Variants in CLVS1 observed in about 807,000 individuals in gnomAD.
CLVS1 encodes the protein clavesin 1, also known as clavesin-1.
In CLVS1, 10 loss-of-function variants were observed where a neutral mutation model predicts 33.1. That is an observed-to-expected ratio of 0.30 (90% CI 0.19 to 0.51). The LOEUF is 0.51. CLVS1 is among the 20% of genes least tolerant of loss of function. The pLI, the probability that CLVS1 is intolerant of heterozygous loss-of-function variation, is 0.97. For synonymous variants in CLVS1, 163 were observed against 166.1 expected (o/e 0.98, Z 0.14); for missense variants, 343 against 433.4 (o/e 0.79, Z 1.85).
chr8:61,081,882 C>G (rs982069196), intron 1 of CLVS1, among the ~76,000 whole-genome samples: 8 of 152,300 alleles, frequency 5.3e-5, no homozygotes, highest in African/African-American at 1.7e-4. Context: ...TATTGGGTTC[C>G]TTTTACCCAG....
At chr8:61,010,725 G>C in the CLVS1 span, among the ~76,000 whole-genome samples, 1 of 152,186 alleles carries the variant, frequency 6.6e-6, no homozygotes, top group Non-Finnish European at 1.5e-5. Context: ...TGGTCTCTCT[G>C]CCCAGAATGG....
intron 2 of CLVS1, among the ~76,000 whole-genome samples, chr8:61,192,879 G>A (rs1222342578): frequency 6.6e-6 from 1 of 152,188 alleles, no homozygotes; most frequent in Non-Finnish European, 1.5e-5. Flanking sequence ...AGCAGGTGCT[G>A]GAGAGGACGT....
upstream of CLVS1, among the ~76,000 whole-genome samples, chr8:61,287,343 G>C (rs1250616237): frequency 6.6e-6 from 1 of 151,830 alleles, no homozygotes; most frequent in South Asian, 2.1e-4. Flanking sequence ...TTTCTAAAAG[G>C]CTGTTAGTGT....
At chr8:60,981,596 G>A in the CLVS1 span, among the ~76,000 whole-genome samples, 1 of 152,042 alleles carries the variant, frequency 6.6e-6, no homozygotes, top group African/African-American at 2.4e-5. Flanking sequence ...TAACTGCAAT[G>A]TCATTGTGCA....
intron 3 of CLVS1, among the ~76,000 whole-genome samples, chr8:61,380,794 G>A (rs1813843900): frequency 6.6e-6 from 1 of 152,146 alleles, no homozygotes; most frequent in South Asian, 2.1e-4. Flanking sequence ...TTTGTGACAT[G>A]TCCAAAATCA....
intron 2 of CLVS1, among the ~76,000 whole-genome samples, chr8:61,261,334 T>C (rs549398167): frequency 6.6e-6 from 1 of 152,350 alleles, no homozygotes; most frequent in East Asian, 1.9e-4. Flanking sequence ...ATGGGTTTAC[T>C]ATCCTTTGAC....
chr8:61,446,417 AG>A (rs1816759019), intron 3 of CLVS1, among the ~76,000 whole-genome samples: 1 of 152,202 alleles, frequency 6.6e-6, no homozygotes, highest in African/African-American at 2.4e-5. Flanking sequence ...TATAAAGAAA[AG>A]GCATGTATTT....
chr8:61,296,727 C>G (rs538278519), intron 1 of CLVS1, among the ~76,000 whole-genome samples: 1 of 152,278 alleles, frequency 6.6e-6, no homozygotes, highest in African/African-American at 2.4e-5. Context: ...TGACTACTTT[C>G]TTTATTCATG....
intron 1 of CLVS1, among the ~76,000 whole-genome samples, chr8:61,109,747 C>T (rs781046722): frequency 1.8e-4 from 28 of 152,040 alleles, no homozygotes; most frequent in East Asian, 5.8e-4. Context: ...TAATGGATTA[C>T]GGGTTAAGGG....
chr8:61,168,730 C>T (rs550871504), intron 2 of CLVS1, among the ~76,000 whole-genome samples: 1 of 152,304 alleles, frequency 6.6e-6, no homozygotes, highest in South Asian at 2.1e-4. Flanking sequence ...AGCTAGTCAA[C>T]CTAATAAATA....
chr8:61,365,298 C>A (rs1282401845), intron 2 of CLVS1, among the ~76,000 whole-genome samples: 1 of 152,022 alleles, frequency 6.6e-6, no homozygotes, highest in Admixed American at 6.6e-5. Flanking sequence ...GAGGCCGAGG[C>A]GGGCGGATCA....
the CLVS1 span, among the ~76,000 whole-genome samples, chr8:60,969,534 A>G: frequency 6.6e-6 from 1 of 152,188 alleles, no homozygotes; most frequent in Non-Finnish European, 1.5e-5. Context: ...GAAAGGGGTT[A>G]TACGTGTTTG....
intron 1 of CLVS1, among the ~76,000 whole-genome samples, chr8:61,118,106 T>C (rs1347731636): frequency 1.3e-5 from 2 of 151,700 alleles, no homozygotes; most frequent in African/African-American, 4.8e-5. Flanking sequence ...CTTGGGAGAG[T>C]GTATGTGTCG....
At chr8:61,135,477 TG>T (rs1806176433) in intron 2 of CLVS1, among the ~76,000 whole-genome samples, 1 of 152,158 alleles carries the variant, frequency 6.6e-6, no homozygotes, top group African/African-American at 2.4e-5. Context: ...TTTCCAGGCC[TG>T]TGGCTTCCGT....
chr8:61,178,428 G>T (rs757482714), intron 2 of CLVS1, among the ~76,000 whole-genome samples: 6 of 152,054 alleles, frequency 3.9e-5, no homozygotes, highest in Non-Finnish European at 8.8e-5. Context: ...ACACTTCAGG[G>T]TATTATCCAG....
At chr8:61,065,678 A>C (rs1424468637) in intron 1 of CLVS1, among the ~76,000 whole-genome samples, 1 of 152,198 alleles carries the variant, frequency 6.6e-6, no homozygotes, top group Non-Finnish European at 1.5e-5. Context: ...TTTATTTTGC[A>C]GCTGTAAGAA....
upstream of CLVS1, among the ~76,000 whole-genome samples, chr8:61,285,996 T>C (rs2129593457): frequency 6.7e-6 from 1 of 150,208 alleles, no homozygotes; most frequent in East Asian, 2.0e-4. Context: ...GACGCTGTCA[T>C]TAATATTTCT....
intron 1 of CLVS1, among the ~76,000 whole-genome samples, chr8:61,079,533 C>A (rs1452205746): frequency 1.3e-5 from 2 of 152,166 alleles, no homozygotes; most frequent in East Asian, 3.8e-4. Context: ...GTTCCAGGAA[C>A]ATACTGCCAG....
chr8:61,012,307 C>T, the CLVS1 span, among the ~76,000 whole-genome samples: 6 of 152,244 alleles, frequency 3.9e-5, no homozygotes. Context: ...TTTGCACTCT[C>T]TCTCTTTCCT....
Sources: allele counts gnomAD v4.1 joint callset (sites outside exome capture counted in the v4.1 genomes callset), GRCh38; gene constraint gnomAD v4.1.1; transcripts MANE v1.5; gene names NCBI Gene and HGNC (gene_info 2026-07-23, HGNC 2026-07-21).